Variants in C4orf17 observed in about 807,000 individuals in gnomAD.
C4orf17 encodes the protein chromosome 4 open reading frame 17, also known as uncharacterized protein C4orf17.
A neutral mutation model predicts 32.0 loss-of-function variants in C4orf17; 25 were observed. The observed-to-expected ratio is 0.78, with a 90% CI of 0.57 to 1.09. The LOEUF (loss-of-function observed/expected upper bound fraction) is 1.09, where lower values mean the gene tolerates loss of function less well. C4orf17 is among the 50% of genes least tolerant of loss of function. The pLI, the probability that C4orf17 is intolerant of heterozygous loss-of-function variation, is 0.00. For missense variants in C4orf17, 420 were observed against 420.0 expected, an observed-to-expected ratio of 1.00 and a Z score of 0.00; for synonymous variants, 149 against 145.8, an observed-to-expected ratio of 1.02 and a Z score of -0.16.
chr4:99,515,081 T>A (rs1170046817), intron 2 of C4orf17, among the ~76,000 whole-genome samples: 1 of 152,172 alleles, frequency 6.6e-6, no homozygotes, highest in Non-Finnish European at 1.5e-5. Context: ...AATGTTATAA[T>A]GGACTTAGGG....
chr4:99,540,331 CTTATTGAT>C, intron 7 of C4orf17, 73 bp from the exon 8 acceptor site: 1 of 954,582 alleles, frequency 1.0e-6, no homozygotes, highest in Non-Finnish European at 1.7e-6. Context: ...ATACACTGAA[CTTATTGAT>C]GACAGTGTAG....
chr4:99,529,794 T>C (rs747307329), intron 4 of C4orf17, 21 bp from the exon 5 acceptor site: 8 of 1,582,404 alleles, frequency 5.1e-6, no homozygotes, highest in African/African-American at 1.4e-5. Context: ...GTATATTGGT[T>C]ATATTATACT....
intron 4 of C4orf17, among the ~76,000 whole-genome samples, chr4:99,528,193 T>G (rs1472158276): frequency 6.8e-6 from 1 of 146,920 alleles, no homozygotes; most frequent in Non-Finnish European, 1.5e-5. Context: ...AACTTGTGTC[T>G]TTGTTTTTCT....
intron 2 of C4orf17, among the ~76,000 whole-genome samples, chr4:99,517,149 C>T (rs1223012489): frequency 6.6e-6 from 1 of 152,206 alleles, no homozygotes; most frequent in African/African-American, 2.4e-5. Context: ...AGTTTCACAT[C>T]TGCATGCCAC....
intron 4 of C4orf17, among the ~76,000 whole-genome samples, chr4:99,528,268 G>A (rs1283326581): frequency 6.6e-6 from 1 of 151,994 alleles, no homozygotes; most frequent in Non-Finnish European, 1.5e-5. Context: ...TTTTATTAGT[G>A]TATCAAGGAA....
intron 6 of C4orf17, 27 bp downstream of exon 6, chr4:99,537,777 C>T (rs779144821): frequency 1.3e-6 from 2 of 1,499,464 alleles, no homozygotes; most frequent in East Asian, 4.5e-5. Context: ...AATTTTAAAA[C>T]ACTGAGCTCA....
intron 4 of C4orf17, among the ~76,000 whole-genome samples, chr4:99,526,472 A>G (rs2110169943): frequency 6.6e-6 from 1 of 152,264 alleles, no homozygotes; most frequent in African/African-American, 2.4e-5. Flanking sequence ...TTTTAATATC[A>G]GCATAATGCT....
At chr4:99,520,951 C>T (rs939198918) in intron 2 of C4orf17, among the ~76,000 whole-genome samples, 2 of 152,100 alleles carry the variant, frequency 1.3e-5, no homozygotes, top group South Asian at 4.1e-4. Flanking sequence ...ATAATATGTT[C>T]ATAGTGTTCT....
chr4:99,520,394 C>G (rs1166328436), intron 2 of C4orf17, among the ~76,000 whole-genome samples: 2 of 152,150 alleles, frequency 1.3e-5, no homozygotes, highest in Non-Finnish European at 2.9e-5. Context: ...CGCAACCAGC[C>G]AACCCACATT....
chr4:99,541,758 A>G (rs1723652986), intron 8 of C4orf17, 152 bp from the exon 9 acceptor site: 3 of 623,486 alleles, frequency 4.8e-6, no homozygotes, highest in Non-Finnish European at 8.5e-6. Context: ...GGAAAAAAAA[A>G]GAAAAGGAAT....
chr4:99,535,237 T>C (rs1338686011), intron 5 of C4orf17, among the ~76,000 whole-genome samples: 1 of 152,100 alleles, frequency 6.6e-6, no homozygotes, highest in Non-Finnish European at 1.5e-5. Context: ...TCTCATGGAG[T>C]ATCTTACCAG....
At position 99,522,687 on chromosome 4, in the gene C4orf17, A is replaced by C; in HGVS notation, c.315A>C (p.Lys105Asn). 6.2e-7 allele frequency: 1 copy of C among 1,613,808 alleles called. No individual in the cohort carries two copies. The highest frequency in any genetic ancestry group is 8.5e-7 in the Non-Finnish European group (1 of 1,179,920). ...TGTCGCCAGCCCCAAACGGTGCCAA[A>C]GTGCCTCCACGGCCTCATTCTGGTG... ...RGMSPAPNGA[K>N]VPPRPHSEPS... is the part of the protein sequence containing the mutation. The change falls in exon 3 of 9, where the codon AAA becomes AAC. Residue 105 changes from lysine to asparagine, a missense_variant. Coordinates refer to ENST00000326581, the MANE Select transcript of C4orf17 (RefSeq NM_032149.3).
At chr4:99,540,363 CT>C in intron 7 of C4orf17, 48 bp from the exon 8 acceptor site, 1 of 1,414,214 alleles carries the variant, frequency 7.1e-7, no homozygotes, top group Non-Finnish European at 1.0e-6. Context: ...ATAGAAAATA[CT>C]TTTTTGTATC....
chr4:99,513,177 C>G lies in C4orf17; in HGVS notation c.96C>G (p.Thr32=), dbSNP rs758685744. 1 of 1,613,862 alleles carries G rather than the reference C, an allele frequency of 6.2e-7. No homozygotes were observed. Among genetic ancestry groups the G allele is most frequent in the South Asian group, 1.1e-5 (1 of 91,064 alleles). The part of the protein sequence containing the change: ...RNVSCFLVRH[T]PHPRRVCHIK... The stretch of plus-strand genomic sequence containing the variant: ...TAAGCTGCTTTCTAGTCAGGCACAC[C>G]CCTCATCCCAGAAGAGTCTGCCACA... Residue 32 remains threonine (T), a synonymous_variant, in exon 2 of 9, where the codon ACC becomes ACG. Transcript: ENST00000326581.
At chr4:99,516,987 G>A (rs1463716654) in intron 2 of C4orf17, among the ~76,000 whole-genome samples, 1 of 151,712 alleles carries the variant, frequency 6.6e-6, no homozygotes, top group African/African-American at 2.4e-5. Flanking sequence ...TAACTGGAAA[G>A]TCCATCAGGG....
chr4:99,514,344 C>G lies in C4orf17; in HGVS notation c.127+1136C>G, dbSNP rs1375711917. Among the ~76,000 whole-genome samples the G allele has an allele frequency of 3.9e-5, 6 of 151,986 alleles. No homozygotes were observed. The East Asian group carries it at 1.2e-3, about 29-fold the overall frequency. On this transcript the variant is annotated intron_variant, in intron 2 of 8. Coordinates refer to ENST00000326581, the MANE Select transcript of C4orf17 (RefSeq NM_032149.3). ...CCTGCAGAGTGGGAGAAAATATTTG[C>G]AAACTACGCATCCGACAAAGGACTA...
intron 4 of C4orf17, 101 bp downstream of exon 4, chr4:99,524,686 A>G: frequency 1.4e-6 from 1 of 699,394 alleles, no homozygotes; most frequent in Non-Finnish European, 2.5e-6. Flanking sequence ...GTTTCACAAT[A>G]TTTTTACAGC....
At chr4:99,518,532 TATATATATATATAGAGAGAG>T (rs1723229464) in intron 2 of C4orf17, among the ~76,000 whole-genome samples, 1 of 70,930 alleles carries the variant, frequency 1.4e-5, no homozygotes, top group Non-Finnish European at 2.4e-5. Context: ...TATATATATA[TATATATATATATAGAGAGAG>T]AGAGAGAGAG....
At chr4:99,540,300 G>A in intron 7 of C4orf17, 112 bp from the exon 8 acceptor site, 1 of 636,804 alleles carries the variant, frequency 1.6e-6, no homozygotes, top group Non-Finnish European at 2.7e-6. Flanking sequence ...AAAGAATTGG[G>A]GTAGCATATT....
Sources: allele counts gnomAD v4.1 joint callset (sites outside exome capture counted in the v4.1 genomes callset), GRCh38; gene constraint gnomAD v4.1.1; transcripts MANE v1.5; gene names NCBI Gene and HGNC (gene_info 2026-07-23, HGNC 2026-07-21).